The following NIPA2 variants were observed in gnomAD, a reference collection of about 807,000 sequenced individuals.
The protein encoded by NIPA2 is magnesium transporter NIPA2.
A neutral mutation model predicts 29.7 loss-of-function variants in NIPA2; 11 were observed. That is an observed-to-expected ratio of 0.37 (90% CI 0.23 to 0.61). The LOEUF (loss-of-function observed/expected upper bound fraction) is 0.61. Ranked by LOEUF, NIPA2 falls within the 20% of genes least tolerant of loss-of-function variation. The probability of loss-of-function intolerance (pLI) is 0.66; values close to 1 mark genes in which losing one functional copy is unlikely to be tolerated. For missense variants in NIPA2, 426 were observed against 437.9 expected (o/e 0.97, Z 0.24); for synonymous variants, 183 against 161.9 (o/e 1.13, Z -0.99).
intron 2 of NIPA2, among the ~76,000 whole-genome samples, chr15:22,840,985 A>G (rs1241963429): frequency 6.8e-6 from 1 of 147,902 alleles, no homozygotes; most frequent in Non-Finnish European, 1.5e-5. Context: ...TTGAACAGAA[A>G]GATAAGACTT....
intron 6 of NIPA2, 142 bp downstream of exon 6, chr15:22,858,772 CTTTTAAAAAG>C: frequency 4.2e-6 from 2 of 474,582 alleles, no homozygotes. Context: ...GTAGTAATTG[CTTTTAAAAAG>C]TTACTTCTGT....
chr15:22,848,324 G>A (rs76957122), intron 3 of NIPA2, among the ~76,000 whole-genome samples: 5,722 of 152,142 alleles, frequency 0.038, 277 homozygotes, highest in East Asian at 0.23. Flanking sequence ...AAGTTTAAAA[G>A]CTATAAAACA....
chr15:22,851,874 G>T lies in NIPA2; in HGVS notation c.139+4G>T. The T allele has an allele frequency of 6.2e-7, 1 of 1,611,832 alleles. No homozygotes were observed. The highest frequency in any genetic ancestry group is 8.5e-7 in the Non-Finnish European group (1 of 1,179,220). On this transcript the variant is annotated splice_donor_region_variant and intron_variant, in intron 4 of 7. Transcript: ENST00000337451. Reference sequence around the variant, plus strand: ...AGGAAAGGCTCTATGAGAGCAGGTAGGTTATGCCTTATGTGACTTTGAAGT... The same window carrying T: ...AGGAAAGGCTCTATGAGAGCAGGTATGTTATGCCTTATGTGACTTTGAAGT...
intron 6 of NIPA2, among the ~76,000 whole-genome samples, chr15:22,860,414 A>AT (rs557285193): frequency 1.9e-3 from 284 of 152,370 alleles, no homozygotes; most frequent in African/African-American, 6.2e-3. Flanking sequence ...GATGGTAAGT[A>AT]TACAGGTGTA....
At chr15:22,839,498 T>C (rs1896434352) in intron 1 of NIPA2, among the ~76,000 whole-genome samples, 157 bp from the exon 2 acceptor site, 1 of 152,216 alleles carries the variant, frequency 6.6e-6, no homozygotes, top group African/African-American at 2.4e-5. Context: ...AGAGTTTCCA[T>C]TCCAGTAAGC....
chr15:22,854,917 A>G (rs1277807068), intron 5 of NIPA2, among the ~76,000 whole-genome samples: 2 of 152,150 alleles, frequency 1.3e-5, no homozygotes, highest in African/African-American at 4.8e-5. Flanking sequence ...CATGTTTGAT[A>G]GGCCTGTGCA....
intron 2 of NIPA2, among the ~76,000 whole-genome samples, chr15:22,844,443 A>C (rs193138679): frequency 0.013 from 1,969 of 152,124 alleles, 22 homozygotes; most frequent in Middle Eastern, 0.02. Flanking sequence ...AATCCCAGCT[A>C]TGCGGGAGGC....
intron 6 of NIPA2, among the ~76,000 whole-genome samples, chr15:22,859,728 A>G (rs2058485906): frequency 6.6e-6 from 1 of 152,170 alleles, no homozygotes; most frequent in Non-Finnish European, 1.5e-5. Flanking sequence ...TACTATTCCC[A>G]AAGTAGATTG....
intron 7 of NIPA2, 82 bp from the exon 8 acceptor site, chr15:22,866,131 A>G: frequency 8.8e-7 from 1 of 1,133,482 alleles, no homozygotes. Flanking sequence ...CTCCCTATCA[A>G]GTTTATTATA....
At chr15:22,850,297 C>T (rs1595317625) in intron 3 of NIPA2, among the ~76,000 whole-genome samples, 2 of 151,974 alleles carry the variant, frequency 1.3e-5, no homozygotes, top group African/African-American at 2.4e-5. Flanking sequence ...TGGCAGGGTG[C>T]GAAGGGGCAA....
chr15:22,857,747 G>C (rs867045401), intron 5 of NIPA2, among the ~76,000 whole-genome samples: 34 of 143,906 alleles, frequency 2.4e-4, no homozygotes, highest in African/African-American at 7.3e-4. Context: ...CGAGGCAGGA[G>C]AATTGCTTGA....
chr15:22,848,689 G>A (rs1157222106), intron 3 of NIPA2, among the ~76,000 whole-genome samples: 2 of 150,166 alleles, frequency 1.3e-5, no homozygotes, highest in African/African-American at 5.0e-5. Flanking sequence ...AGCTGGGCAT[G>A]GCAGCATGTG....
intron 7 of NIPA2, among the ~76,000 whole-genome samples, chr15:22,864,104 G>T (rs1465069934): frequency 6.6e-6 from 1 of 151,900 alleles, no homozygotes; most frequent in Non-Finnish European, 1.5e-5. Flanking sequence ...GGAGAAAGAG[G>T]CTTTGCACTT....
At chr15:22,854,692 G>A (rs1322246084) in intron 5 of NIPA2, among the ~76,000 whole-genome samples, 1 of 151,952 alleles carries the variant, frequency 6.6e-6, no homozygotes, top group African/African-American at 2.4e-5. Context: ...GTTGCAGTGA[G>A]CTGATAACTG....
At position 22,866,720 on chromosome 15, in the gene NIPA2, CAATG is replaced by C. The variant is rs1162031596; in HGVS notation, c.961_964del (p.Asn321AlafsTer17). The stretch of plus-strand genomic sequence containing the variant: ...GTGTCTTTTCGAAAAGACGAGAAAG[CAATG>C]AATGGCAATCTCTCTAATATGTATG... On this transcript the variant is annotated frameshift_variant, in exon 8 of 8. Transcript: ENST00000337451. LOFTEE classifies it high-confidence loss of function. 1 of 1,614,008 alleles carries C rather than the reference CAATG, an allele frequency of 6.2e-7. No homozygotes were observed. The highest frequency in any genetic ancestry group is 2.2e-5 in the East Asian group (1 of 44,880).
chr15:22,858,690 G>A, intron 6 of NIPA2, 60 bp downstream of exon 6: 2 of 1,004,262 alleles, frequency 2.0e-6, no homozygotes, highest in Admixed American at 6.0e-5. Context: ...AAAATATTCA[G>A]TACCATCTAA....
At chr15:22,843,000 C>T (rs533130295) in intron 2 of NIPA2, among the ~76,000 whole-genome samples, 68 of 144,974 alleles carry the variant, frequency 4.7e-4, no homozygotes, top group Non-Finnish European at 8.7e-4. Flanking sequence ...GAGACTCTGT[C>T]TCAAAAAAAA....
At chr15:22,852,937 G>A (rs2057880716) in intron 4 of NIPA2, among the ~76,000 whole-genome samples, 2 of 152,184 alleles carry the variant, frequency 1.3e-5, no homozygotes, top group African/African-American at 4.8e-5. Flanking sequence ...TCAGTGGACA[G>A]AGGAGAAACT....
intron 3 of NIPA2, among the ~76,000 whole-genome samples, chr15:22,848,923 A>G (rs1375182404): frequency 6.6e-6 from 1 of 151,438 alleles, no homozygotes; most frequent in African/African-American, 2.4e-5. Context: ...CCAGATAGCT[A>G]TGTGCATAGG....
Sources: allele counts gnomAD v4.1 joint callset (sites outside exome capture counted in the v4.1 genomes callset), GRCh38; gene constraint gnomAD v4.1.1; transcripts MANE v1.5; gene names NCBI Gene and HGNC (gene_info 2026-07-23, HGNC 2026-07-21).